The following THSD7A variants were observed in gnomAD, a reference collection of about 807,000 sequenced individuals.
THSD7A encodes thrombospondin type 1 domain containing 7A.
A neutral mutation model predicts 231.3 loss-of-function variants in THSD7A; 96 were observed. The observed-to-expected ratio is 0.41, with a 90% CI of 0.35 to 0.49. The LOEUF is 0.49. Ranked by LOEUF, THSD7A falls within the 20% of genes least tolerant of loss-of-function variation. THSD7A has a pLI of 0.05. For missense variants in THSD7A, 2,290 were observed against 2,070.2 expected (o/e 1.11, Z -2.06); for synonymous variants, 940 against 743.3 (o/e 1.26, Z -4.30).
chr7:11,511,597 T>C (rs563492481), intron 6 of THSD7A, among the ~76,000 whole-genome samples: 1,811 of 152,112 alleles, frequency 0.012, 32 homozygotes, highest in African/African-American at 0.042. Flanking sequence ...TATAGACCAA[T>C]GGAACAGAAC....
At chr7:11,559,224 C>T (rs371290898) in intron 4 of THSD7A, among the ~76,000 whole-genome samples, 16 of 152,274 alleles carry the variant, frequency 1.1e-4, no homozygotes, top group South Asian at 1.0e-3. Flanking sequence ...AAATGGAACC[C>T]TGTCAGCTCC....
At chr7:11,821,362 C>CT in intron 1 of THSD7A, 1 of 604,980 alleles carries the variant, frequency 1.7e-6, no homozygotes, top group Non-Finnish European at 3.1e-6. Context: ...AATTTGATGA[C>CT]TTTTTATCTC....
chr7:11,446,851 C>T lies in THSD7A; in HGVS notation c.2800+379G>A, dbSNP rs1370719999. Among the ~76,000 whole-genome samples, 1 of 152,018 alleles carries T rather than the reference C, an allele frequency of 6.6e-6. No individual in the cohort carries two copies. Among genetic ancestry groups the T allele is most frequent in the Non-Finnish European group, 1.5e-5 (1 of 67,986 alleles). Reference sequence around the variant, plus strand: ...AGATACAGAATTAATGCTATATTCCCCCTTCTAGGTGAGAAAGGATAATCT... The same window carrying T: ...AGATACAGAATTAATGCTATATTCCTCCTTCTAGGTGAGAAAGGATAATCT... On this transcript the variant is annotated intron_variant, in intron 12 of 27. Transcript: ENST00000423059. The surrounding 1 kb of genome is among the most constrained non-coding windows in gnomAD (Gnocchi z 4.0).
chr7:11,484,014 T>C (rs39195), intron 6 of THSD7A, among the ~76,000 whole-genome samples: 151,006 of 151,746 alleles, frequency 1, 75,136 homozygotes, highest in Middle Eastern at 1. Flanking sequence ...GCACTCCCCC[T>C]GCCCCCCATC....
chr7:11,557,443 AT>A (rs1323709462), intron 4 of THSD7A, among the ~76,000 whole-genome samples: 2 of 152,070 alleles, frequency 1.3e-5, no homozygotes, highest in African/African-American at 4.8e-5. Flanking sequence ...CATCTTCATC[AT>A]CTCAGTGTTG....
intron 2 of THSD7A, among the ~76,000 whole-genome samples, chr7:11,626,839 A>G (rs1781486278): frequency 6.6e-6 from 1 of 152,174 alleles, no homozygotes; most frequent in Admixed American, 6.5e-5. Flanking sequence ...GAACAATAAT[A>G]TTGAAATAAT....
chr7:11,478,204 A>T (rs1200821443), intron 7 of THSD7A, among the ~76,000 whole-genome samples: 1 of 152,196 alleles, frequency 6.6e-6, no homozygotes, highest in Non-Finnish European at 1.5e-5. Flanking sequence ...GACATCCTAC[A>T]TGAGGCCACC....
chr7:11,688,619 G>T (rs1479048527), intron 1 of THSD7A, among the ~76,000 whole-genome samples: 1 of 151,758 alleles, frequency 6.6e-6, no homozygotes, highest in Admixed American at 6.6e-5. Context: ...AGCTTTGTAG[G>T]GAACAAGAAG....
At chr7:11,776,399 T>C (rs1783406046) in intron 1 of THSD7A, among the ~76,000 whole-genome samples, 1 of 152,208 alleles carries the variant, frequency 6.6e-6, no homozygotes, top group African/African-American at 2.4e-5. Flanking sequence ...TTGAAGGCTT[T>C]ATAATTTCTC....
intron 2 of THSD7A, among the ~76,000 whole-genome samples, chr7:11,608,739 C>T (rs1185453700): frequency 6.6e-6 from 1 of 152,198 alleles, no homozygotes; most frequent in East Asian, 1.9e-4. Flanking sequence ...TCTAAACTTT[C>T]ATTCCCTTAG....
intron 19 of THSD7A, among the ~76,000 whole-genome samples, chr7:11,410,739 A>G (rs1285444611): frequency 6.6e-6 from 1 of 152,072 alleles, no homozygotes; most frequent in African/African-American, 2.4e-5. Context: ...CTTTCACTTA[A>G]TCAGACCTGA....
At chr7:11,559,585 G>C (rs1789994926) in intron 4 of THSD7A, among the ~76,000 whole-genome samples, 1 of 151,660 alleles carries the variant, frequency 6.6e-6, no homozygotes, top group Admixed American at 6.6e-5. Flanking sequence ...AACATGGGAA[G>C]TAGTGTAATA....
chr7:11,819,854 G>A lies in THSD7A; in HGVS notation c.190+11903C>T, dbSNP rs536249636. ...ATGTAGTAATATTGGTTCATCAATC[G>A]TAACAAATGTACCACACTAGCGCAA... is the stretch of plus-strand genomic sequence containing the variant. On this transcript the variant is annotated intron_variant, in intron 1 of 27. Transcript: ENST00000423059. Among the ~76,000 whole-genome samples, 3 of 152,262 alleles carry A rather than the reference G, an allele frequency of 2.0e-5. No homozygotes were observed. The South Asian group carries it at 6.2e-4, about 32-fold the overall frequency.
At chr7:11,412,830 A>G in intron 17 of THSD7A, 30 bp from the exon 18 acceptor site, 1 of 1,595,932 alleles carries the variant, frequency 6.3e-7, no homozygotes, top group Middle Eastern at 1.7e-4. Context: ...ATTCTCAGAA[A>G]GGTGAATACT....
intron 1 of THSD7A, among the ~76,000 whole-genome samples, chr7:11,687,932 T>G (rs1780111359): frequency 6.6e-6 from 1 of 151,784 alleles, no homozygotes; most frequent in Admixed American, 6.6e-5. Context: ...TTTATTATGC[T>G]TTGTTTTAGG....
intron 1 of THSD7A, among the ~76,000 whole-genome samples, chr7:11,783,479 T>C (rs143788439): frequency 3.0e-4 from 45 of 152,304 alleles, no homozygotes; most frequent in African/African-American, 1.1e-3. Context: ...GAACCATATG[T>C]ATACCATTTG....
rs139141336 is a variant in THSD7A at position 11,552,724 on chromosome 7, C to T, written c.1454-9607G>A. Among the ~76,000 whole-genome samples, 31 of 152,194 alleles carry T rather than the reference C, an allele frequency of 2.0e-4. No homozygotes were observed. In the East Asian group the frequency reaches 5.4e-3, roughly 27 times the overall value. ...TGTTTAAAATGGCAACCCCACCTTC[C>T]CTTGTCTTTATGAGCCACATACGTG... On this transcript the variant is annotated intron_variant, in intron 4 of 27. Coordinates refer to ENST00000423059, the MANE Select transcript of THSD7A (RefSeq NM_015204.3).
chr7:11,413,486 CA>C (rs1279911445), intron 17 of THSD7A, among the ~76,000 whole-genome samples: 1 of 152,012 alleles, frequency 6.6e-6, no homozygotes, highest in Admixed American at 6.6e-5. Flanking sequence ...ACTGCCTTTG[CA>C]AAAATTATAA....
intron 1 of THSD7A, chr7:11,821,301 G>C (rs1784866136): frequency 1.2e-6 from 1 of 863,890 alleles, no homozygotes; most frequent in Admixed American, 1.7e-5. Flanking sequence ...ACTCCTATTG[G>C]AAACCAACAG....
Sources: allele counts gnomAD v4.1 joint callset (sites outside exome capture counted in the v4.1 genomes callset), GRCh38; gene constraint gnomAD v4.1.1; non-coding constraint Gnocchi (gnomAD v3.1); transcripts MANE v1.5; gene names NCBI Gene and HGNC (gene_info 2026-07-23, HGNC 2026-07-21).